The following GRHL2 variants were observed in gnomAD, a reference collection of about 807,000 sequenced individuals.
GRHL2 encodes the protein grainyhead like transcription factor 2.
GRHL2 carries 21 observed loss-of-function variants against 83.8 expected under a neutral mutation model. The ratio of observed to expected loss-of-function variants is 0.25; its 90% CI spans 0.18 to 0.36. The LOEUF is 0.36. Among genes scored for constraint, GRHL2 ranks in the 10% least tolerant of loss-of-function variants. The probability of loss-of-function intolerance (pLI) is 1.00; values close to 1 mark genes in which losing one functional copy is unlikely to be tolerated. For synonymous variants in GRHL2, 280 were observed against 278.9 expected (o/e 1.00, Z -0.04); for missense variants, 623 against 781.8 (o/e 0.80, Z 2.42).
At chr8:101,539,264 C>T (rs1196582343) in intron 1 of GRHL2, among the ~76,000 whole-genome samples, 1 of 152,220 alleles carries the variant, frequency 6.6e-6, no homozygotes, top group Non-Finnish European at 1.5e-5. Flanking sequence ...GTCTCTGAGG[C>T]ATGACAGAGT....
intron 2 of GRHL2, among the ~76,000 whole-genome samples, chr8:101,548,290 A>C (rs1237827592): frequency 1.3e-5 from 2 of 152,232 alleles, no homozygotes; most frequent in Admixed American, 6.5e-5. Context: ...CCTCAGAGAG[A>C]TCACCGACAA....
intron 8 of GRHL2, among the ~76,000 whole-genome samples, chr8:101,599,793 C>A (rs561380817): frequency 1.3e-5 from 2 of 152,284 alleles, no homozygotes; most frequent in South Asian, 4.1e-4. Context: ...TAAAAGAAGG[C>A]AGAGTCATTG....
intron 8 of GRHL2, among the ~76,000 whole-genome samples, chr8:101,604,498 T>C (rs1269298037): frequency 1.3e-5 from 2 of 152,236 alleles, no homozygotes; most frequent in African/African-American, 4.8e-5. Flanking sequence ...CTTGGTGTGC[T>C]ACAACGACCT....
intron 8 of GRHL2, among the ~76,000 whole-genome samples, chr8:101,599,362 A>C (rs1812463532): frequency 6.6e-6 from 1 of 152,166 alleles, no homozygotes; most frequent in African/African-American, 2.4e-5. Context: ...TCCCACCCAA[A>C]TCCTTCAGGC....
At chr8:101,561,868 G>A (rs1258319591) in intron 4 of GRHL2, 1 of 413,148 alleles carries the variant, frequency 2.4e-6, no homozygotes, top group Non-Finnish European at 4.5e-6. Flanking sequence ...TTTTGTAGAT[G>A]GCAATGTAGG....
intron 1 of GRHL2, among the ~76,000 whole-genome samples, chr8:101,536,493 T>C (rs1024395201): frequency 2.6e-5 from 4 of 152,230 alleles, no homozygotes; most frequent in Admixed American, 6.5e-5. Context: ...TGAATATCAT[T>C]ATTCTGTCTA....
chr8:101,569,455 T>C (rs1481225008), intron 4 of GRHL2, among the ~76,000 whole-genome samples: 1 of 152,180 alleles, frequency 6.6e-6, no homozygotes. Flanking sequence ...GCTCTATTCT[T>C]AGTAACTTCA....
intron 2 of GRHL2, among the ~76,000 whole-genome samples, chr8:101,550,567 C>T (rs1451579936): frequency 2.0e-5 from 3 of 152,164 alleles, no homozygotes; most frequent in Non-Finnish European, 4.4e-5. Context: ...TAAATACTTA[C>T]TTCTTCCTTA....
At chr8:101,677,227 A>AATAATAAT in the GRHL2 span, among the ~76,000 whole-genome samples, 120 of 128,212 alleles carry the variant, frequency 9.4e-4, 1 homozygote, top group East Asian at 4.3e-3. Context: ...ATAATAATAA[A>AATAATAAT]AATAAAGAAA....
chr8:101,501,161 T>C (rs1810220973), intron 1 of GRHL2, among the ~76,000 whole-genome samples: 1 of 152,246 alleles, frequency 6.6e-6, no homozygotes, highest in South Asian at 2.1e-4. Context: ...GTTCATGCAT[T>C]TGAATGGGCA....
intron 1 of GRHL2, among the ~76,000 whole-genome samples, chr8:101,497,754 C>A (rs1344983251): frequency 6.6e-6 from 1 of 152,182 alleles, no homozygotes; most frequent in Non-Finnish European, 1.5e-5. Flanking sequence ...TGTTAGTTTA[C>A]ATAATAGATG....
intron 7 of GRHL2, among the ~76,000 whole-genome samples, chr8:101,578,915 C>T (rs374254016): frequency 4.6e-5 from 7 of 152,248 alleles, no homozygotes; most frequent in South Asian, 4.2e-4. Context: ...ATAGTTAAGC[C>T]GCTCCTCACC....
chr8:101,547,634 G>A (rs1013906073), intron 2 of GRHL2, among the ~76,000 whole-genome samples: 2 of 152,140 alleles, frequency 1.3e-5, no homozygotes, highest in African/African-American at 4.8e-5. Context: ...CAACTCAGTG[G>A]GATTTACCCA....
chr8:101,591,043 A>T (rs1812270005), intron 7 of GRHL2, among the ~76,000 whole-genome samples: 2 of 152,244 alleles, frequency 1.3e-5, no homozygotes. Context: ...CCAGAATCAC[A>T]CTTGCCCCTA....
intron 8 of GRHL2, among the ~76,000 whole-genome samples, chr8:101,600,159 G>T (rs964716677): frequency 2.2e-4 from 34 of 152,304 alleles, no homozygotes; most frequent in African/African-American, 8.2e-4. Context: ...TTTCACTCAA[G>T]TATAAAACAA....
At chr8:101,535,730 G>A (rs889093391) in intron 1 of GRHL2, among the ~76,000 whole-genome samples, 4 of 152,018 alleles carry the variant, frequency 2.6e-5, no homozygotes, top group African/African-American at 9.7e-5. Context: ...AGTAGAGACA[G>A]GGTTTCACCA....
intron 1 of GRHL2, among the ~76,000 whole-genome samples, chr8:101,499,947 G>A (rs1354398257): frequency 1.3e-5 from 2 of 152,120 alleles, no homozygotes; most frequent in East Asian, 3.9e-4. Flanking sequence ...ATGGTGGCAC[G>A]TGCCTGTACT....
At chr8:101,537,746 C>T (rs369400088) in intron 1 of GRHL2, among the ~76,000 whole-genome samples, 8 of 152,022 alleles carry the variant, frequency 5.3e-5, no homozygotes, top group African/African-American at 1.7e-4. Context: ...AGATTTAAAC[C>T]GAAGTTACCC....
intron 8 of GRHL2, among the ~76,000 whole-genome samples, chr8:101,611,853 C>A (rs969906388): frequency 6.6e-6 from 1 of 151,024 alleles, no homozygotes; most frequent in Non-Finnish European, 1.5e-5. Context: ...ATAAACCCTC[C>A]TTTTCCATTA....
Sources: allele counts gnomAD v4.1 joint callset (sites outside exome capture counted in the v4.1 genomes callset), GRCh38; gene constraint gnomAD v4.1.1; transcripts MANE v1.5; gene names NCBI Gene and HGNC (gene_info 2026-07-23, HGNC 2026-07-21).